Variants in IMPACT observed in about 807,000 individuals in gnomAD.
The protein encoded by IMPACT is impact RWD domain protein.
A neutral mutation model predicts 47.5 loss-of-function variants in IMPACT; 35 were observed. The observed-to-expected ratio is 0.74, with a 90% CI of 0.56 to 0.98. The LOEUF (loss-of-function observed/expected upper bound fraction) is 0.98. Ranked by LOEUF, IMPACT falls within the 50% of genes least tolerant of loss-of-function variation. The pLI is 0.00. For missense variants in IMPACT, 373 were observed against 394.8 expected (o/e 0.94, Z 0.47); for synonymous variants, 118 against 125.6 (o/e 0.94, Z 0.40).
chr18:24,426,798 GC>G lies in IMPACT; in HGVS notation c.36+10del, dbSNP rs1352118899. On this transcript the variant is annotated splice_region_variant and intron_variant, in intron 1 of 10. Coordinates refer to ENST00000284202, the MANE Select transcript of IMPACT (RefSeq NM_018439.4). Reference sequence around the variant, plus strand: ...CAGGGAGCGACCAGAGGCAGGTGAGGCCCCGGCGGGGTGCTGTCTCTCCAGG... The same window carrying G: ...CAGGGAGCGACCAGAGGCAGGTGAGGCCCGGCGGGGTGCTGTCTCTCCAGG... 1.6e-6 allele frequency: 2 copies of G among 1,239,038 alleles called. No individual in the cohort carries two copies. 76.8% of individuals were successfully genotyped at this position (1,239,038 alleles called of 1,614,324 possible).
chr18:24,444,584 A>G (rs931315548), intron 7 of IMPACT, among the ~76,000 whole-genome samples: 18 of 152,188 alleles, frequency 1.2e-4, no homozygotes, highest in Non-Finnish European at 2.5e-4. Flanking sequence ...ATCCTTTGTA[A>G]TATGGCCCTA....
chr18:24,435,458 A>G (rs1431080960), intron 4 of IMPACT: 1 of 152,220 alleles, frequency 6.6e-6, no homozygotes, highest in Non-Finnish European at 1.5e-5. Context: ...TTTAATTTAG[A>G]AATCTGAGAA....
intron 4 of IMPACT, among the ~76,000 whole-genome samples, chr18:24,431,306 G>A (rs1386608200): frequency 6.6e-6 from 1 of 152,038 alleles, no homozygotes; most frequent in Non-Finnish European, 1.5e-5. Flanking sequence ...GCTTGGTGTT[G>A]GGGAGCTTGG....
At chr18:24,428,163 T>C in intron 2 of IMPACT, 116 bp downstream of exon 2, 3 of 988,438 alleles carry the variant, frequency 3.0e-6, no homozygotes, top group Non-Finnish European at 4.4e-6. Context: ...TTGGCTTTTC[T>C]CAATGATTAA....
intron 6 of IMPACT, among the ~76,000 whole-genome samples, chr18:24,442,018 C>G (rs191497372): frequency 9.9e-5 from 15 of 152,224 alleles, no homozygotes; most frequent in African/African-American, 3.4e-4. Flanking sequence ...AGAACAGTAT[C>G]AGAGGGAAGG....
intron 4 of IMPACT, among the ~76,000 whole-genome samples, chr18:24,436,285 C>T (rs1908939519): frequency 6.6e-6 from 1 of 152,070 alleles, no homozygotes; most frequent in South Asian, 2.1e-4. Flanking sequence ...TGCTGTGTCG[C>T]CCAGGCTGGA....
chr18:24,440,439 TAAAAAGCA>T, intron 5 of IMPACT, 49 bp from the exon 6 acceptor site: 2 of 1,573,516 alleles, frequency 1.3e-6, no homozygotes, highest in South Asian at 1.2e-5. Context: ...GATTTTTTTT[TAAAAAGCA>T]TCGTTTCTTA....
chr18:24,432,737 G>C (rs1908789546), intron 4 of IMPACT, among the ~76,000 whole-genome samples: 1 of 151,298 alleles, frequency 6.6e-6, no homozygotes. Context: ...AGTATACTGT[G>C]GATTTGTTCA....
intron 4 of IMPACT, chr18:24,435,642 T>C (rs1475572674): frequency 2.6e-5 from 4 of 152,290 alleles, no homozygotes; most frequent in Non-Finnish European, 1.5e-5. Flanking sequence ...CAGAACTAAG[T>C]GTGAACTCAA....
At chr18:24,444,349 A>G (rs994952291) in intron 7 of IMPACT, among the ~76,000 whole-genome samples, 1 of 152,222 alleles carries the variant, frequency 6.6e-6, no homozygotes, top group African/African-American at 2.4e-5. Flanking sequence ...CTGAAAGATT[A>G]TAAAATGATA....
At position 24,432,379 on chromosome 18, in the gene IMPACT, T is replaced by A. The variant is rs529656356; in HGVS notation, c.281+1995T>A. ...GATCTAGTAAGGACTGTATTATATGTTCTAGGTGGCCACTCCATTTGGTAC... is the reference window on the plus strand; with the variant it reads ...GATCTAGTAAGGACTGTATTATATGATCTAGGTGGCCACTCCATTTGGTAC... On this transcript the variant is annotated intron_variant, in intron 4 of 10. Coordinates refer to ENST00000284202, the MANE Select transcript of IMPACT (RefSeq NM_018439.4). 2.6e-5 allele frequency among the ~76,000 whole-genome samples: 4 copies of A among 152,302 alleles called. No homozygotes were observed. The East Asian group carries it at 7.7e-4, about 29-fold the overall frequency.
intron 8 of IMPACT, among the ~76,000 whole-genome samples, chr18:24,447,110 T>C (rs1003382542): frequency 5.3e-5 from 8 of 152,216 alleles, no homozygotes; most frequent in African/African-American, 1.9e-4. Context: ...ATTTTAACTT[T>C]AATGTTCATA....
rs1909374649 is a variant in IMPACT at position 24,451,186 on chromosome 18, C to T, written c.*339C>T. On this transcript the variant is annotated 3_prime_UTR_variant, in exon 11 of 11. Transcript: ENST00000284202. ...CCTTTGTTAGGTGGAGAAGAAATGT[C>T]TCTAGAGGAATATAAATACCTGATT... is the stretch of plus-strand genomic sequence containing the variant. The T allele has an allele frequency of 5.9e-6, 1 of 169,506 alleles. No homozygotes were observed. The highest frequency in any genetic ancestry group is 1.3e-5 in the Non-Finnish European group (1 of 79,728). The allele number at this position is 169,506 out of a possible 1,614,324, so 10.5% of individuals were successfully genotyped here.
rs1449989086 is a variant in IMPACT, at chr18:24,448,049, A to G, written c.669-44A>G. ...AATGTTGAGGAATAAGTTTTATTAT[A>G]ATATTTTAGTTTCAAAGTGTAATAC... On this transcript the variant is annotated intron_variant, in intron 8 of 10. Coordinates refer to ENST00000284202, the MANE Select transcript of IMPACT (RefSeq NM_018439.4). The G allele has an allele frequency of 5.4e-6, 6 of 1,107,560 alleles. No individual in the cohort carries two copies. In the African/African-American group the frequency reaches 9.3e-5, roughly 17 times the overall value. 68.6% of individuals were successfully genotyped at this position (1,107,560 alleles called of 1,614,324 possible).
chr18:24,449,397 C>T (rs957758827), intron 9 of IMPACT, among the ~76,000 whole-genome samples: 1 of 152,142 alleles, frequency 6.6e-6, no homozygotes, highest in African/African-American at 2.4e-5. Context: ...CTAATAGCAC[C>T]AGGGATATTG....
rs551650461 is a variant in IMPACT at position 24,450,784 on chromosome 18, G to A, written c.900G>A (p.Glu300=). ...CTGATTTGTGTCTTTTTCAGGAGGA[G>A]TCATCTAAGGCTTTGGGAAAGAACA... ...VEKNYTNSPE[E]SSKALGKNKK... The change falls in exon 11 of 11, where the codon GAG becomes GAA. Residue 300 remains glutamate (E), a synonymous_variant. Transcript: ENST00000284202. 2.7e-5 allele frequency: 44 copies of A among 1,607,582 alleles called. No homozygotes were observed. The African/African-American group carries it at 3.9e-4, about 14-fold the overall frequency.
intron 4 of IMPACT, among the ~76,000 whole-genome samples, chr18:24,433,403 G>T (rs1332382959): frequency 6.7e-6 from 1 of 148,166 alleles, no homozygotes; most frequent in African/African-American, 2.5e-5. Flanking sequence ...GTTTCACCTT[G>T]TTAGCCAGGA....
intron 4 of IMPACT, among the ~76,000 whole-genome samples, chr18:24,434,773 A>AT (rs1908861129): frequency 3.2e-5 from 4 of 125,972 alleles, no homozygotes; most frequent in African/African-American, 1.3e-4. Flanking sequence ...CAAAAAAAAA[A>AT]AAAATATATA....
At chr18:24,448,071 A>G in intron 8 of IMPACT, 22 bp from the exon 9 acceptor site, 1 of 1,422,452 alleles carries the variant, frequency 7.0e-7, no homozygotes, top group Non-Finnish European at 9.9e-7. Context: ...TCAAAGTGTA[A>G]TACTCTTACA....
Sources: allele counts gnomAD v4.1 joint callset (sites outside exome capture counted in the v4.1 genomes callset), GRCh38; gene constraint gnomAD v4.1.1; transcripts MANE v1.5; gene names NCBI Gene and HGNC (gene_info 2026-07-23, HGNC 2026-07-21).